R3HDM2: variants seen among roughly 807,000 people sequenced by gnomAD.
The protein encoded by R3HDM2 is R3H domain-containing protein 2.
In R3HDM2, 38 loss-of-function variants were observed where a neutral mutation model predicts 124.5. The observed-to-expected ratio is 0.31, with a 90% CI of 0.24 to 0.40. The LOEUF is 0.40. R3HDM2 is among the 10% of genes least tolerant of loss of function. The pLI, the probability that R3HDM2 is intolerant of heterozygous loss-of-function variation, is 1.00. For missense variants in R3HDM2, 869 were observed against 1,236.9 expected (o/e 0.70, Z 4.46); for synonymous variants, 391 against 448.0 (o/e 0.87, Z 1.61).
chr12:57,430,565 G>A, intron 1 of R3HDM2, 155 bp downstream of exon 1: 1 of 984,360 alleles, frequency 1.0e-6, no homozygotes, highest in Non-Finnish European at 1.2e-6. Context: ...TCCTTCCCGC[G>A]GCCATCCGAC....
At chr12:57,398,531 C>T (rs2067777564) in intron 1 of R3HDM2, among the ~76,000 whole-genome samples, 2 of 151,714 alleles carry the variant, frequency 1.3e-5, no homozygotes, top group Admixed American at 6.6e-5. Context: ...CTCCGTCACA[C>T]AGGCTGGAGT....
intron 2 of R3HDM2, among the ~76,000 whole-genome samples, chr12:57,318,768 A>G (rs1458312963): frequency 6.6e-6 from 1 of 152,194 alleles, no homozygotes; most frequent in Non-Finnish European, 1.5e-5. Flanking sequence ...ACTATCCTAA[A>G]ATATTTTATG....
At chr12:57,381,101 C>T (rs557822051) in intron 2 of R3HDM2, among the ~76,000 whole-genome samples, 1 of 151,974 alleles carries the variant, frequency 6.6e-6, no homozygotes, top group East Asian at 1.9e-4. Flanking sequence ...CGTGGTGGTG[C>T]ACACCTGTAA....
intron 1 of R3HDM2, among the ~76,000 whole-genome samples, chr12:57,425,789 C>G (rs1464121401): frequency 1.2e-4 from 19 of 152,126 alleles, no homozygotes; most frequent in Admixed American, 1.2e-3. Flanking sequence ...CACAGCAAGA[C>G]TCTCTCAAAA....
intron 1 of R3HDM2, among the ~76,000 whole-genome samples, chr12:57,410,676 G>C (rs992138014): frequency 3.3e-5 from 5 of 152,254 alleles, no homozygotes; most frequent in East Asian, 3.9e-4. Flanking sequence ...TACATGGCAA[G>C]ACCCTGTCTC....
chr12:57,269,974 G>C lies in R3HDM2; in HGVS notation c.1365C>G (p.Pro455=). ...MISQADDLSN[P]FGQMSLSRQG... ...GGCGACTAAGGCTCATTTGTCCAAA[G>C]GGGTTGCTGAGGTCATCTGCCTGTT... Residue 455 remains proline (P), a synonymous_variant, in exon 15 of 24, where the codon CCC becomes CCG. Coordinates refer to ENST00000402412, the MANE Select transcript of R3HDM2 (RefSeq NM_001394031.1). The C allele has an allele frequency of 6.2e-7, 1 of 1,614,202 alleles. No homozygotes were observed. Among genetic ancestry groups the C allele is most frequent in the Non-Finnish European group, 8.5e-7 (1 of 1,180,038 alleles).
chr12:57,412,374 C>T (rs1402999761), intron 1 of R3HDM2, among the ~76,000 whole-genome samples: 1 of 151,584 alleles, frequency 6.6e-6, no homozygotes, highest in Non-Finnish European at 1.5e-5. Flanking sequence ...AAACCTTGTC[C>T]CTACTAAAAA....
intron 2 of R3HDM2, among the ~76,000 whole-genome samples, chr12:57,321,363 G>A (rs2056417749): frequency 6.6e-6 from 1 of 152,114 alleles, no homozygotes; most frequent in Non-Finnish European, 1.5e-5. Context: ...ACAAAAACAT[G>A]GATAGGGCCG....
chr12:57,408,982 T>A (rs2068770394), intron 1 of R3HDM2, among the ~76,000 whole-genome samples: 2 of 152,158 alleles, frequency 1.3e-5, no homozygotes, highest in Non-Finnish European at 2.9e-5. Context: ...TTTGTATCTG[T>A]TTGTACTCAG....
At chr12:57,330,102 G>C (rs936874460) in intron 2 of R3HDM2, among the ~76,000 whole-genome samples, 3 of 151,614 alleles carry the variant, frequency 2.0e-5, no homozygotes, top group Non-Finnish European at 4.4e-5. Flanking sequence ...GAGTAGCTGG[G>C]ATTACAGGCA....
intron 12 of R3HDM2, among the ~76,000 whole-genome samples, chr12:57,286,813 G>A (rs370031451): frequency 3.9e-5 from 6 of 152,100 alleles, no homozygotes; most frequent in African/African-American, 1.4e-4. Flanking sequence ...GGGAGGCGGA[G>A]GTTGCGGTGA....
At chr12:57,378,542 TA>T (rs1185684250) in intron 2 of R3HDM2, among the ~76,000 whole-genome samples, 6 of 152,136 alleles carry the variant, frequency 3.9e-5, no homozygotes, top group African/African-American at 1.4e-4. Context: ...CACGACTGGC[TA>T]ATTTTTTGTG....
chr12:57,257,881 G>T, intron 21 of R3HDM2, 109 bp downstream of exon 21: 1 of 1,203,046 alleles, frequency 8.3e-7, no homozygotes, highest in Non-Finnish European at 1.1e-6. Flanking sequence ...CCCAGAATTG[G>T]ATCATCTACA....
At chr12:57,260,889 G>A (rs575854385) in intron 19 of R3HDM2, among the ~76,000 whole-genome samples, 27 of 152,242 alleles carry the variant, frequency 1.8e-4, no homozygotes, top group Non-Finnish European at 3.1e-4. Flanking sequence ...AAAAGAAATG[G>A]TGGGAGGTCT....
chr12:57,380,958 G>A lies in R3HDM2; in HGVS notation c.-36+14791C>T, dbSNP rs116375924. On this transcript the variant is annotated intron_variant, in intron 2 of 23. Transcript: ENST00000402412. The stretch of plus-strand genomic sequence containing the variant: ...AAGAAAGAATGGGCAGGCCGGGCAC[G>A]GTGGCCCACACCTGTAATCCCAGCA... Among the ~76,000 whole-genome samples, 1,118 of 152,246 alleles carry A rather than the reference G, an allele frequency of 7.3e-3. 11 individuals carry two copies. Among genetic ancestry groups the A allele is most frequent in the African/African-American group, 0.025 (1,023 of 41,542 alleles).
chr12:57,283,925 G>A lies in R3HDM2; in HGVS notation c.1070C>T (p.Pro357Leu). ...ACTGAAGCTGCTAGCTTTGGTGACA[G>A]GGGGTCGCATGCTCCGGACAGAGCC... ...SDGSVRSMRPPVTKASSFSGI... is the reference protein window; with the variant it reads ...SDGSVRSMRPLVTKASSFSGI... The change falls in exon 13 of 24, where the codon CCT becomes CTT. Residue 357 changes from proline to leucine, a missense_variant. This residue lies in a region of R3HDM2 where 267 missense variants were observed against 447.7 expected (regional missense o/e 0.60). Transcript: ENST00000402412. 6.2e-7 allele frequency: 1 copy of A among 1,614,178 alleles called. No individual in the cohort carries two copies. Among genetic ancestry groups the A allele is most frequent in the Non-Finnish European group, 8.5e-7 (1 of 1,180,028 alleles).
At chr12:57,352,074 G>GT (rs2060731414) in intron 2 of R3HDM2, among the ~76,000 whole-genome samples, 1 of 152,014 alleles carries the variant, frequency 6.6e-6, no homozygotes, top group African/African-American at 2.4e-5. Flanking sequence ...AATTAACAGT[G>GT]TATCTATATT....
chr12:57,289,149 A>C, intron 11 of R3HDM2, 109 bp from the exon 12 acceptor site: 181 of 1,057,606 alleles, frequency 1.7e-4, no homozygotes, highest in Non-Finnish European at 2.3e-4. Context: ...ACCAAAGCTC[A>C]CCCCACCAAC....
chr12:57,319,732 C>T (rs566637265), intron 2 of R3HDM2, among the ~76,000 whole-genome samples: 3 of 152,030 alleles, frequency 2.0e-5, no homozygotes, highest in Non-Finnish European at 4.4e-5. Context: ...TAGGCAGAGG[C>T]GAGTAATGAG....
Sources: allele counts gnomAD v4.1 joint callset (sites outside exome capture counted in the v4.1 genomes callset), GRCh38; gene constraint gnomAD v4.1.1; regional missense constraint gnomAD v4.1.1; transcripts MANE v1.5; gene names NCBI Gene and HGNC (gene_info 2026-07-23, HGNC 2026-07-21).